The following RACGAP1 variants were observed in gnomAD, a reference collection of about 807,000 sequenced individuals.
The protein encoded by RACGAP1 is rac GTPase-activating protein 1.
Under a neutral mutation model 78.1 loss-of-function variants are expected in RACGAP1, and 30 were observed. The observed-to-expected ratio is 0.38, with a 90% CI of 0.29 to 0.52. RACGAP1 has a LOEUF of 0.52. Among genes scored for constraint, RACGAP1 ranks in the 20% least tolerant of loss-of-function variants. The pLI, the probability that RACGAP1 is intolerant of heterozygous loss-of-function variation, is 0.82. For synonymous variants in RACGAP1, 231 were observed against 264.8 expected (o/e 0.87, Z 1.24); for missense variants, 587 against 777.1 (o/e 0.76, Z 2.91).
intron 10 of RACGAP1, 137 bp from the exon 11 acceptor site, chr12:49,994,646 C>T: frequency 7.4e-7 from 1 of 1,356,958 alleles, no homozygotes; most frequent in South Asian, 1.5e-5. Context: ...ATTCCCAAAG[C>T]ATATATTAAA....
upstream of RACGAP1, among the ~76,000 whole-genome samples, chr12:50,028,157 T>A (rs60641692): frequency 0.063 from 9,548 of 152,218 alleles, 1,029 homozygotes; most frequent in African/African-American, 0.22. Flanking sequence ...AGACTCTCTA[T>A]TTAGGCCAGT....
chr12:50,011,822 C>T (rs1203358898), intron 2 of RACGAP1, among the ~76,000 whole-genome samples: 1 of 151,512 alleles, frequency 6.6e-6, no homozygotes, highest in African/African-American at 2.4e-5. Flanking sequence ...AGCGTGGTGG[C>T]GGGCGCCTAT....
In RACGAP1 at chr12:49,999,541, G is replaced by T. The variant is rs1948518978; in HGVS notation, c.748+75C>A. On this transcript the variant is annotated intron_variant, in intron 8 of 16. Transcript: ENST00000312377. ...ATACATCCAATCCCCGCCTCCAGAG[G>T]GTTCTAAGAAACCAACTCTCCAAAA... 16 of 1,309,328 alleles carry T rather than the reference G, an allele frequency of 1.2e-5. No individual in the cohort carries two copies. The South Asian group carries it at 1.5e-4, about 13-fold the overall frequency. 81.1% of individuals were successfully genotyped at this position (1,309,328 alleles called of 1,614,324 possible).
intron 2 of RACGAP1, among the ~76,000 whole-genome samples, chr12:50,012,099 G>C (rs1007645013): frequency 6.6e-6 from 1 of 152,038 alleles, no homozygotes; most frequent in African/African-American, 2.4e-5. Flanking sequence ...CTGTACTCCA[G>C]CCTGGGCAAC....
At chr12:50,018,960 G>C (rs1949840445) in intron 1 of RACGAP1, among the ~76,000 whole-genome samples, 1 of 151,898 alleles carries the variant, frequency 6.6e-6, no homozygotes, top group African/African-American at 2.4e-5. Flanking sequence ...TCCGGCCTCA[G>C]CCTCCTGACA....
chr12:49,993,684 G>T (rs2137251925), intron 12 of RACGAP1, among the ~76,000 whole-genome samples: 1 of 149,552 alleles, frequency 6.7e-6, no homozygotes, highest in South Asian at 2.2e-4. Context: ...AGGAGGCGGA[G>T]TTTGCAGTGA....
chr12:49,990,417 G>T, intron 16 of RACGAP1, 74 bp from the exon 17 acceptor site: 1 of 1,297,842 alleles, frequency 7.7e-7, no homozygotes, highest in Non-Finnish European at 1.1e-6. Flanking sequence ...AATATTACTT[G>T]ATATAACCCA....
At chr12:50,025,543 T>C, upstream of RACGAP1, 1 of 985,454 alleles carries the variant, frequency 1.0e-6, no homozygotes, top group Non-Finnish European at 1.2e-6. Flanking sequence ...GCCGTCCCTC[T>C]ACGGTGTGAC....
chr12:49,992,710 G>T, intron 12 of RACGAP1, 55 bp from the exon 13 acceptor site: 1 of 1,410,166 alleles, frequency 7.1e-7, no homozygotes. Flanking sequence ...TTGACAGCGG[G>T]CTTCCAAGTT....
At position 49,990,689 on chromosome 12, in the gene RACGAP1, A is replaced by C. The variant is rs759291830; in HGVS notation, c.1818T>G (p.Thr606=). 9 of 1,607,446 alleles carry C rather than the reference A, an allele frequency of 5.6e-6. No individual in the cohort carries two copies. The highest frequency in any genetic ancestry group is 7.7e-6 in the Non-Finnish European group (9 of 1,174,014). ...GGAAGGCCAATTCTGCATACCTAGGAGTGTTCTTGGTGAGGGTGGAACGGA... is the reference window on the plus strand; with the variant it reads ...GGAAGGCCAATTCTGCATACCTAGGCGTGTTCTTGGTGAGGGTGGAACGGA... ...QRVRSTLTKN[T]PRFGSKSKSA... is the part of the protein sequence containing the mutation. Residue 606 remains threonine, a synonymous_variant, in exon 16 of 17, where the codon ACT becomes ACG. Transcript: ENST00000312377.
At position 49,994,255 on chromosome 12, in the gene RACGAP1, A is replaced by G; in HGVS notation, c.1215T>C (p.Thr405=). ...ELKEKFLRVK[T]VPLLSKVDDI... is the part of the protein sequence containing the mutation. ...CATCCACTTTGCTGAGGAGGGGTACAGTTTTCACTCTGAGGAATTTCTCTT... is the reference window on the plus strand; with the variant it reads ...CATCCACTTTGCTGAGGAGGGGTACGGTTTTCACTCTGAGGAATTTCTCTT... The change falls in exon 12 of 17, where the codon ACT becomes ACC. Residue 405 remains threonine (T), a synonymous_variant. Transcript: ENST00000312377. 1 of 1,614,166 alleles carries G rather than the reference A, an allele frequency of 6.2e-7. No individual in the cohort carries two copies. The highest frequency in any genetic ancestry group is 8.5e-7 in the Non-Finnish European group (1 of 1,180,030).
intron 1 of RACGAP1, chr12:50,018,395 T>C (rs575119851): frequency 4.8e-5 from 26 of 546,676 alleles, no homozygotes; most frequent in Admixed American, 9.5e-5. Flanking sequence ...ACAAATTTAT[T>C]ACAAAGATCT....
chr12:49,993,053 G>T (rs1449639993), intron 12 of RACGAP1, among the ~76,000 whole-genome samples: 1 of 152,192 alleles, frequency 6.6e-6, no homozygotes, highest in Non-Finnish European at 1.5e-5. Flanking sequence ...CATTCTATTG[G>T]TGGAGTCAGT....
At chr12:50,026,850 G>A (rs943910424), upstream of RACGAP1, among the ~76,000 whole-genome samples, 3 of 151,976 alleles carry the variant, frequency 2.0e-5, no homozygotes, top group African/African-American at 7.2e-5. Context: ...TTGCTTGTTT[G>A]TTTATCTTTT....
At chr12:49,993,087 A>G (rs1948004471) in intron 12 of RACGAP1, among the ~76,000 whole-genome samples, 1 of 152,104 alleles carries the variant, frequency 6.6e-6, no homozygotes, top group South Asian at 2.1e-4. Context: ...CCTATCAGGT[A>G]GAGTGATACA....
chr12:50,016,967 C>T, intron 1 of RACGAP1: 3 of 1,244,426 alleles, frequency 2.4e-6, no homozygotes, highest in Non-Finnish European at 3.0e-6. Flanking sequence ...CCTCCAATCA[C>T]TTGGAGCAGA....
chr12:50,016,585 T>C (rs746475443), intron 2 of RACGAP1, 46 bp downstream of exon 2: 3 of 1,562,408 alleles, frequency 1.9e-6, no homozygotes, highest in African/African-American at 2.7e-5. Flanking sequence ...AATCCCAAAT[T>C]TGAAATCTGT....
intron 2 of RACGAP1, among the ~76,000 whole-genome samples, chr12:50,014,590 G>A (rs894313279): frequency 6.6e-6 from 1 of 151,982 alleles, no homozygotes; most frequent in Admixed American, 6.6e-5. Flanking sequence ...TTTGAAACAG[G>A]GTCTCGCTCT....
chr12:50,015,255 C>T (rs562981499), intron 2 of RACGAP1, among the ~76,000 whole-genome samples: 11 of 152,212 alleles, frequency 7.2e-5, no homozygotes, highest in African/African-American at 2.2e-4. Flanking sequence ...GATTCTTCTG[C>T]CTCAGCCTCC....
Sources: gnomAD v4.1 joint callset for allele counts (sites outside exome capture counted in the v4.1 genomes callset) on GRCh38, gnomAD v4.1.1 for gene constraint, MANE v1.5 for transcripts, NCBI Gene and HGNC (gene_info 2026-07-23, HGNC 2026-07-21) for gene names.